Variants in ADK observed in about 807,000 individuals in gnomAD.
The protein encoded by ADK is N6,N6-dimethyladenosine kinase.
A neutral mutation model predicts 44.7 loss-of-function variants in ADK; 24 were observed. That is an observed-to-expected ratio of 0.54 (90% CI 0.39 to 0.76). The LOEUF is 0.76. Among genes scored for constraint, ADK ranks in the 30% least tolerant of loss-of-function variants. The pLI is 0.00. For missense variants in ADK, 321 were observed against 425.1 expected (o/e 0.76, Z 2.15); for synonymous variants, 128 against 142.6 (o/e 0.90, Z 0.73).
At chr10:74,169,397 T>C (rs1346001635) in intron 1 of ADK, among the ~76,000 whole-genome samples, 1 of 152,218 alleles carries the variant, frequency 6.6e-6, no homozygotes, top group Non-Finnish European at 1.5e-5. Flanking sequence ...CATAAATAAT[T>C]GATAAGCAGT....
chr10:74,651,005 C>G (rs1854246624), intron 9 of ADK, among the ~76,000 whole-genome samples: 1 of 152,140 alleles, frequency 6.6e-6, no homozygotes, highest in Non-Finnish European at 1.5e-5. Context: ...AAAGACTTGA[C>G]ACCTAATGGC....
In ADK at chr10:74,618,374, T is replaced by G. The variant is rs759527988; in HGVS notation, c.877+17881T>G. ...GGTGTGATCTCAGCTCACTGCAGCC[T>G]CCACCTTCCAGTTTCAAGTAATTCT... On this transcript the variant is annotated intron_variant, in intron 9 of 10. Coordinates refer to ENST00000539909, the MANE Select transcript of ADK (RefSeq NM_006721.4). Among the ~76,000 whole-genome samples the G allele has an allele frequency of 5.3e-4, 81 of 152,216 alleles. 2 individuals carry two copies. The highest frequency in any genetic ancestry group is 2.1e-4 in the Non-Finnish European group (14 of 68,036).
intron 1 of ADK, among the ~76,000 whole-genome samples, chr10:74,168,533 T>C (rs1257348002): frequency 1.4e-5 from 1 of 73,806 alleles, no homozygotes; most frequent in Non-Finnish European, 2.9e-5. Flanking sequence ...AGCGAGACTG[T>C]CTCAAAAAAA....
chr10:74,693,394 G>T (rs1340660554), intron 10 of ADK, among the ~76,000 whole-genome samples: 3 of 152,136 alleles, frequency 2.0e-5, no homozygotes, highest in African/African-American at 7.2e-5. Flanking sequence ...CTGACATCTT[G>T]GGTGTGTATG....
chr10:74,338,541 TAAAC>T (rs1049484497), intron 4 of ADK, among the ~76,000 whole-genome samples: 13 of 152,238 alleles, frequency 8.5e-5, no homozygotes, highest in Middle Eastern at 3.4e-3. Flanking sequence ...GGTGAATAGA[TAAAC>T]AAACTGTGAT....
chr10:74,427,178 T>C (rs935298678), intron 6 of ADK, among the ~76,000 whole-genome samples: 2 of 152,116 alleles, frequency 1.3e-5, no homozygotes, highest in African/African-American at 4.8e-5. Context: ...AATCCTGAAC[T>C]CACTTTTGTA....
At chr10:74,621,028 T>G (rs1852976347) in intron 9 of ADK, among the ~76,000 whole-genome samples, 1 of 152,210 alleles carries the variant, frequency 6.6e-6, no homozygotes, top group Non-Finnish European at 1.5e-5. Flanking sequence ...ATCTTTTCAC[T>G]CTGTTGATTG....
chr10:74,615,322 A>G (rs1203831742), intron 9 of ADK, among the ~76,000 whole-genome samples: 2 of 152,180 alleles, frequency 1.3e-5, no homozygotes, highest in African/African-American at 2.4e-5. Flanking sequence ...ACTTGTTAAG[A>G]GTATTCCATT....
chr10:74,329,134 A>G (rs1841130342), intron 4 of ADK, among the ~76,000 whole-genome samples: 1 of 143,068 alleles, frequency 7.0e-6, no homozygotes. Context: ...AAAAAAAGAA[A>G]TTCTATAGGG....
At chr10:74,631,717 C>A (rs1853431736) in intron 9 of ADK, among the ~76,000 whole-genome samples, 1 of 152,096 alleles carries the variant, frequency 6.6e-6, no homozygotes, top group African/African-American at 2.4e-5. Flanking sequence ...AAATGAGGAG[C>A]TCACACAACC....
At chr10:74,522,211 A>C (rs1461177454) in intron 6 of ADK, among the ~76,000 whole-genome samples, 1 of 152,210 alleles carries the variant, frequency 6.6e-6, no homozygotes, top group African/African-American at 2.4e-5. Context: ...GATGAAAGAC[A>C]TGGATAGTTG....
chr10:74,350,047 G>A (rs1346424726), intron 4 of ADK, among the ~76,000 whole-genome samples: 1 of 152,084 alleles, frequency 6.6e-6, no homozygotes, highest in Non-Finnish European at 1.5e-5. Flanking sequence ...CTAAGCTCTG[G>A]ACCAAGCGGA....
At chr10:74,180,689 ACCT>A (rs1362588929) in intron 1 of ADK, among the ~76,000 whole-genome samples, 1 of 151,836 alleles carries the variant, frequency 6.6e-6, no homozygotes, top group Non-Finnish European at 1.5e-5. Flanking sequence ...CGATCTCCTG[ACCT>A]CATGATCTGC....
intron 2 of ADK, among the ~76,000 whole-genome samples, chr10:74,212,622 G>GCTA (rs1267349025): frequency 6.6e-6 from 1 of 152,160 alleles, no homozygotes; most frequent in Non-Finnish European, 1.5e-5. Flanking sequence ...AATATTACTG[G>GCTA]CTACTGAGCT....
intron 4 of ADK, among the ~76,000 whole-genome samples, chr10:74,337,141 A>T (rs1420324940): frequency 6.6e-6 from 1 of 152,218 alleles, no homozygotes; most frequent in Admixed American, 6.5e-5. Flanking sequence ...TTTAGAACAA[A>T]GTCTACTTTG....
chr10:74,411,283 C>G (rs1844167149), intron 6 of ADK, among the ~76,000 whole-genome samples: 1 of 151,826 alleles, frequency 6.6e-6, no homozygotes, highest in African/African-American at 2.4e-5. Flanking sequence ...GTGTAAAATT[C>G]CTGACACTTA....
At chr10:74,449,513 G>T (rs1845697446) in intron 6 of ADK, among the ~76,000 whole-genome samples, 1 of 152,114 alleles carries the variant, frequency 6.6e-6, no homozygotes, top group African/African-American at 2.4e-5. Context: ...GGGCATTTTG[G>T]TCATTATTTT....
At chr10:74,471,734 C>T (rs1468898440) in intron 6 of ADK, among the ~76,000 whole-genome samples, 1 of 152,076 alleles carries the variant, frequency 6.6e-6, no homozygotes, top group Non-Finnish European at 1.5e-5. Flanking sequence ...TCCTTGGTTA[C>T]TCATAAGTAT....
intron 6 of ADK, among the ~76,000 whole-genome samples, chr10:74,518,411 C>T (rs1451111226): frequency 2.0e-4 from 30 of 152,104 alleles, no homozygotes; most frequent in Admixed American, 1.7e-3. Context: ...TCTAAAGCCT[C>T]TAGTCTCATA....
Sources: allele counts gnomAD v4.1 joint callset (sites outside exome capture counted in the v4.1 genomes callset), GRCh38; gene constraint gnomAD v4.1.1; transcripts MANE v1.5; gene names NCBI Gene and HGNC (gene_info 2026-07-23, HGNC 2026-07-21).